Variants in ASIC4 observed in about 807,000 individuals in gnomAD.
ASIC4 encodes acid-sensing ion channel 4.
Under a neutral mutation model 53.4 loss-of-function variants are expected in ASIC4, and 28 were observed. That is an observed-to-expected ratio of 0.52 (90% CI 0.39 to 0.72). The LOEUF (loss-of-function observed/expected upper bound fraction) is 0.72. ASIC4 is among the 30% of genes least tolerant of loss of function. The pLI, the probability that ASIC4 is intolerant of heterozygous loss-of-function variation, is 0.00. For missense variants in ASIC4, 649 were observed against 729.7 expected (o/e 0.89, Z 1.27); for synonymous variants, 289 against 301.4 (o/e 0.96, Z 0.43).
At position 219,517,181 on chromosome 2, in the gene ASIC4, G is replaced by A. The variant is rs1331816074; in HGVS notation, c.582+1875G>A. 6.6e-6 allele frequency: 1 copy of A among 152,474 alleles called. No homozygotes were observed. Among genetic ancestry groups the A allele is most frequent in the African/African-American group, 2.4e-5 (1 of 41,444 alleles). The allele number at this position is 152,474 out of a possible 1,614,324, so 9.4% of individuals were successfully genotyped here. A position where few individuals can be genotyped will look rare whatever the true frequency, so the allele number is the denominator to read the frequency against. Reference sequence around the variant, plus strand: ...GAGCTGGAGGGGGTGAGGAAGTAAGGGGAGGGAGGCAGAGGGTTCTGCTTG... The same window carrying A: ...GAGCTGGAGGGGGTGAGGAAGTAAGAGGAGGGAGGCAGAGGGTTCTGCTTG... On this transcript the variant is annotated intron_variant, in intron 1 of 9. Coordinates refer to ENST00000358078, the MANE Select transcript of ASIC4 (RefSeq NM_018674.6). The surrounding 1 kb of genome is among the most constrained non-coding windows in gnomAD (Gnocchi z 4.2).
At position 219,516,390 on chromosome 2, in the gene ASIC4, G is replaced by A. The variant is rs1694789278; in HGVS notation, c.582+1084G>A. ...TCTCCGGGAGAGGGGTGTGAGCTTG[G>A]GCTGCTCTGCCATGCACGCCTCCCA... On this transcript the variant is annotated intron_variant, in intron 1 of 9. Transcript: ENST00000358078. The surrounding 1 kb of genome is among the most constrained non-coding windows in gnomAD (Gnocchi z 4.9). Among the ~76,000 whole-genome samples the A allele has an allele frequency of 6.6e-6, 1 of 152,036 alleles. No homozygotes were observed. The highest frequency in any genetic ancestry group is 1.5e-5 in the Non-Finnish European group (1 of 68,002).
intron 5 of ASIC4, 86 bp downstream of exon 5, chr2:219,533,025 C>A: frequency 7.2e-7 from 1 of 1,389,380 alleles, no homozygotes; most frequent in Non-Finnish European, 1.0e-6. Context: ...GGATCCTCCC[C>A]TCCCAATCTC....
Position 219,537,833 on chromosome 2 carries a change from GA to G in ASIC4, c.1506+98del. 1 of 1,502,860 alleles carries G rather than the reference GA, an allele frequency of 6.7e-7. No homozygotes were observed. Among genetic ancestry groups the G allele is most frequent in the South Asian group, 1.2e-5 (1 of 84,024 alleles). The allele number at this position is 1,502,860 out of a possible 1,614,324, so 93.1% of individuals were successfully genotyped here. A position where few individuals can be genotyped will look rare whatever the true frequency, so the allele number is the denominator to read the frequency against. On this transcript the variant is annotated intron_variant, in intron 9 of 9. Transcript: ENST00000358078. The surrounding 1 kb of genome is among the most constrained non-coding windows in gnomAD (Gnocchi z 4.9). ...GAACCAGCCTGTGGAGGGGGCCCTG[GA>G]GCCTCTGCCCGAGGTGACAAGGAAA...
At chr2:219,524,228 C>T (rs1239993677) in intron 1 of ASIC4, among the ~76,000 whole-genome samples, 1 of 152,256 alleles carries the variant, frequency 6.6e-6, no homozygotes, top group Non-Finnish European at 1.5e-5. Context: ...ACCAAGCACA[C>T]AGTGCCTGAC....
At chr2:219,524,618 G>A (rs550349765) in intron 1 of ASIC4, among the ~76,000 whole-genome samples, 18 of 152,336 alleles carry the variant, frequency 1.2e-4, no homozygotes, top group Non-Finnish European at 2.1e-4. Flanking sequence ...GGCGCCTGTT[G>A]TTACTGCCAT....
upstream of ASIC4, among the ~76,000 whole-genome samples, chr2:219,513,924 GC>G (rs1694734239): frequency 6.6e-6 from 1 of 152,258 alleles, no homozygotes; most frequent in Middle Eastern, 3.4e-3. Context: ...GCCCTCCTCT[GC>G]CCCCCTCCCT....
intron 1 of ASIC4, among the ~76,000 whole-genome samples, chr2:219,528,712 G>A (rs1694996068): frequency 6.6e-6 from 1 of 151,936 alleles, no homozygotes; most frequent in African/African-American, 2.4e-5. Context: ...GCTAATTTTT[G>A]TATTTTTAGT....
chr2:219,519,093 A>T (rs1368062779), intron 1 of ASIC4, among the ~76,000 whole-genome samples: 1 of 152,084 alleles, frequency 6.6e-6, no homozygotes, highest in East Asian at 1.9e-4. Context: ...TTTAGTACAG[A>T]TGGGGTTTCA....
Position 219,532,861 on chromosome 2 carries a change from GAAT to G in ASIC4, c.1019-18_1019-16del. 6.2e-7 allele frequency: 1 copy of G among 1,607,850 alleles called. No individual in the cohort carries two copies. The highest frequency in any genetic ancestry group is 8.5e-7 in the Non-Finnish European group (1 of 1,175,044). On this transcript the variant is annotated intron_variant, in intron 4 of 9. Transcript: ENST00000358078. The stretch of plus-strand genomic sequence containing the variant: ...CAGGGGAAGTGATCGTAGATTCCAG[GAAT>G]AATCTTCTCTCCTTTCAGGCAATGA...
intron 5 of ASIC4, chr2:219,533,224 C>T (rs888796881): frequency 1.9e-6 from 1 of 530,722 alleles, no homozygotes; most frequent in African/African-American, 1.9e-5. Flanking sequence ...TGAGCTCACC[C>T]ACTTTGAGAA....
intron 5 of ASIC4, among the ~76,000 whole-genome samples, chr2:219,534,764 GCCATCCATCCATCCATCCATCCAT>G (rs56026817): frequency 6.6e-6 from 1 of 151,090 alleles, no homozygotes; most frequent in East Asian, 2.0e-4. Context: ...CTGGCCATCT[GCCATCCATCCATCCATCCATCCAT>G]CCATCCATCC....
At chr2:219,511,428 G>A (rs3755062), upstream of ASIC4, among the ~76,000 whole-genome samples, 78,597 of 148,546 alleles carry the variant, frequency 0.53, 22,902 homozygotes, top group East Asian at 0.75. This position sits in a 1 kb window ranked among gnomAD's most constrained non-coding sequence, Gnocchi z 5.3. Context: ...ACCAAACCTC[G>A]TCCCAGTCCA....
chr2:219,524,732 C>T (rs553950482), intron 1 of ASIC4, among the ~76,000 whole-genome samples: 2 of 152,330 alleles, frequency 1.3e-5, no homozygotes, highest in African/African-American at 4.8e-5. Context: ...TTGGGCTTTC[C>T]ATCTGGTAGG....
chr2:219,509,748 C>G (rs1694675599), upstream of ASIC4, among the ~76,000 whole-genome samples: 1 of 152,074 alleles, frequency 6.6e-6, no homozygotes, highest in African/African-American at 2.4e-5. This position sits in a 1 kb window ranked among gnomAD's most constrained non-coding sequence, Gnocchi z 5.2. Flanking sequence ...ACACCCCTCC[C>G]CATGAAGAAG....
At chr2:219,521,368 G>T in intron 1 of ASIC4, among the ~76,000 whole-genome samples, 1 of 152,198 alleles carries the variant, frequency 6.6e-6, no homozygotes. Context: ...ATGGCCCCAC[G>T]TCCTGTCCCC....
upstream of ASIC4, among the ~76,000 whole-genome samples, chr2:219,511,688 C>T (rs1327503424): frequency 6.6e-6 from 1 of 151,660 alleles, no homozygotes; most frequent in African/African-American, 2.4e-5. This position sits in a 1 kb window ranked among gnomAD's most constrained non-coding sequence, Gnocchi z 5.3. Context: ...TGCCTCACTG[C>T]AAGGGGCAGC....
chr2:219,535,279 C>T lies in ASIC4; in HGVS notation c.1184C>T (p.Ala395Val). 1 of 1,613,760 alleles carries T rather than the reference C, an allele frequency of 6.2e-7. No individual in the cohort carries two copies. The highest frequency in any genetic ancestry group is 2.2e-5 in the East Asian group (1 of 44,876). Residue 395 changes from alanine to valine, a missense_variant, in exon 6 of 10, where the codon GCC becomes GTC. Physicochemically the swap from Ala to Val is moderately conservative, Grantham distance 64 (BLOSUM62 0). Transcript: ENST00000358078. ...GTCAGGATCCCCAACAGGGGCTCAG[C>T]CCGGTACCTGGCGAGGAAGTACAAC... ...SMVRIPNRGSARYLARKYNRN... is the reference protein window; with the variant it reads ...SMVRIPNRGSVRYLARKYNRN...
At position 219,532,427 on chromosome 2, in the gene ASIC4, A is replaced by C; in HGVS notation, c.968A>C (p.Glu323Ala). 6.2e-7 allele frequency: 1 copy of C among 1,613,894 alleles called. No homozygotes were observed. The highest frequency in any genetic ancestry group is 8.5e-7 in the Non-Finnish European group (1 of 1,179,858). The part of the protein sequence containing the change: ...YSVSACRLRC[E>A]KEAVLQRCHC... ...GTGTCTGCCTGCCGGCTGCGCTGTGAAAAGGAGGCCGTGCTTCAGCGCTGC... is the reference window on the plus strand; with the variant it reads ...GTGTCTGCCTGCCGGCTGCGCTGTGCAAAGGAGGCCGTGCTTCAGCGCTGC... Residue 323 changes from glutamate to alanine, a missense_variant, in exon 4 of 10, where the codon GAA (glutamate) becomes GCA (alanine). By Grantham distance (107) the Glu-to-Ala change is moderately radical. Transcript: ENST00000358078.
chr2:219,521,057 C>T (rs1464209020), intron 1 of ASIC4, among the ~76,000 whole-genome samples: 1 of 152,236 alleles, frequency 6.6e-6, no homozygotes, highest in Non-Finnish European at 1.5e-5. Context: ...CCCCACCTTC[C>T]ACCCCACACC....
Sources: allele counts gnomAD v4.1 joint callset (sites outside exome capture counted in the v4.1 genomes callset), GRCh38; gene constraint gnomAD v4.1.1; non-coding constraint Gnocchi (gnomAD v3.1); transcripts MANE v1.5; gene names NCBI Gene and HGNC (gene_info 2026-07-23, HGNC 2026-07-21).